The following ARB2A variants were observed in gnomAD, a reference collection of about 807,000 sequenced individuals.
ARB2A encodes the protein ARB2 cotranscriptional regulator A, also known as cotranscriptional regulator ARB2A.
the ARB2A span, among the ~76,000 whole-genome samples, chr5:94,079,263 T>A: frequency 6.6e-6 from 1 of 152,182 alleles, no homozygotes; most frequent in African/African-American, 2.4e-5. Context: ...AAAGATCACA[T>A]ATGTGGGTTC....
the ARB2A span, among the ~76,000 whole-genome samples, chr5:93,986,724 G>C: frequency 1.1e-4 from 17 of 152,220 alleles, no homozygotes; most frequent in African/African-American, 3.6e-4. Context: ...CCCCCAACCC[G>C]GTGCTCTCGG....
chr5:93,934,993 G>A, the ARB2A span, among the ~76,000 whole-genome samples: 7 of 152,080 alleles, frequency 4.6e-5, no homozygotes, highest in African/African-American at 1.2e-4. Flanking sequence ...ACCAAACAAC[G>A]TATGTTCTCA....
chr5:93,875,995 CCAACA>C, the ARB2A span, among the ~76,000 whole-genome samples: 4 of 151,922 alleles, frequency 2.6e-5, no homozygotes, highest in African/African-American at 9.7e-5. Context: ...AGTTCTCAAC[CCAACA>C]CATTAAAAAA....
chr5:94,061,107 G>A, the ARB2A span, among the ~76,000 whole-genome samples: 4 of 151,992 alleles, frequency 2.6e-5, no homozygotes, highest in Non-Finnish European at 4.4e-5. Context: ...GCATGGTGGC[G>A]GGTGCCTGTA....
the ARB2A span, among the ~76,000 whole-genome samples, chr5:93,952,293 A>C: frequency 6.6e-6 from 1 of 152,234 alleles, no homozygotes; most frequent in Admixed American, 6.5e-5. Flanking sequence ...AAAAAGAACC[A>C]AACTGGAAGA....
At chr5:93,659,892 C>A in the ARB2A span, among the ~76,000 whole-genome samples, 3 of 152,126 alleles carry the variant, frequency 2.0e-5, no homozygotes, top group African/African-American at 7.2e-5. Flanking sequence ...TCACAATGCA[C>A]CTGAAGTTCC....
the ARB2A span, among the ~76,000 whole-genome samples, chr5:93,979,083 A>ATTTG: frequency 6.6e-6 from 1 of 152,278 alleles, no homozygotes; most frequent in African/African-American, 2.4e-5. Context: ...ATCATTACAC[A>ATTTG]TTCTATGCAT....
At chr5:93,625,276 T>C in the ARB2A span, among the ~76,000 whole-genome samples, 1 of 152,206 alleles carries the variant, frequency 6.6e-6, no homozygotes, top group Non-Finnish European at 1.5e-5. Flanking sequence ...CGTAAGTAGG[T>C]AGATTATGTT....
At chr5:93,740,550 G>A in the ARB2A span, 11 of 1,562,972 alleles carry the variant, frequency 7.0e-6, no homozygotes, top group East Asian at 2.3e-5. Flanking sequence ...CTCTCCAACC[G>A]TGCCGTGAAG....
chr5:93,711,282 T>G, the ARB2A span, among the ~76,000 whole-genome samples: 6 of 151,890 alleles, frequency 4.0e-5, no homozygotes, highest in African/African-American at 1.5e-4. Context: ...AAGGGTGATT[T>G]GAATTTTTTA....
At chr5:93,734,076 G>A in the ARB2A span, 2 of 152,154 alleles carry the variant, frequency 1.3e-5, no homozygotes, top group Admixed American at 1.3e-4. Context: ...AAAAGATCAT[G>A]CTTTGAAATA....
At chr5:93,961,121 G>T in the ARB2A span, among the ~76,000 whole-genome samples, 1 of 152,090 alleles carries the variant, frequency 6.6e-6, no homozygotes, top group Non-Finnish European at 1.5e-5. Context: ...GAGGCCACAG[G>T]GGTTTCTAGT....
chr5:93,680,620 T>C, the ARB2A span, among the ~76,000 whole-genome samples: 519 of 152,286 alleles, frequency 3.4e-3, 3 homozygotes, highest in African/African-American at 0.012. Context: ...AACAAGTATT[T>C]TTCTACCACC....
the ARB2A span, among the ~76,000 whole-genome samples, chr5:93,715,814 G>T: frequency 6.6e-6 from 1 of 151,980 alleles, no homozygotes; most frequent in Non-Finnish European, 1.5e-5. Flanking sequence ...TGTTAGAAAA[G>T]AAATTTACAT....
chr5:93,947,851 A>AT, the ARB2A span, among the ~76,000 whole-genome samples: 1 of 151,466 alleles, frequency 6.6e-6, no homozygotes, highest in Non-Finnish European at 1.5e-5. Context: ...TGAACTCATC[A>AT]TTTTTTATGG....
the ARB2A span, chr5:93,683,533 T>C: frequency 6.6e-7 from 1 of 1,509,908 alleles, no homozygotes; most frequent in East Asian, 2.3e-5. Flanking sequence ...TCATGGCCTC[T>C]GCTTCAACAA....
chr5:93,915,045 G>A, the ARB2A span, among the ~76,000 whole-genome samples: 1 of 152,030 alleles, frequency 6.6e-6, no homozygotes, highest in Non-Finnish European at 1.5e-5. Flanking sequence ...GTAAAAGGTA[G>A]AGGAAAAAAG....
chr5:93,697,317 T>A, the ARB2A span, among the ~76,000 whole-genome samples: 1 of 152,142 alleles, frequency 6.6e-6, no homozygotes, highest in Admixed American at 6.6e-5. Context: ...GGGAATTACA[T>A]ACAATATCTG....
the ARB2A span, among the ~76,000 whole-genome samples, chr5:93,764,062 A>T: frequency 1.5e-3 from 231 of 152,342 alleles, 2 homozygotes; most frequent in African/African-American, 5.2e-3. Context: ...TGTAGAGGGA[A>T]ATTTATAGCA....
Sources: allele counts gnomAD v4.1 joint callset (sites outside exome capture counted in the v4.1 genomes callset), GRCh38; gene constraint gnomAD v4.1.1; transcripts MANE v1.5; gene names NCBI Gene and HGNC (gene_info 2026-07-23, HGNC 2026-07-21).